The following ALS2 variants were observed in gnomAD, a reference collection of about 807,000 sequenced individuals.
The protein encoded by ALS2 is alsin Rho guanine nucleotide exchange factor ALS2, also known as alsin.
Under a neutral mutation model 203.4 loss-of-function variants are expected in ALS2, and 117 were observed. The observed-to-expected ratio is 0.58, with a 90% CI of 0.50 to 0.67. ALS2 has a LOEUF of 0.67. Among genes scored for constraint, ALS2 ranks in the 30% least tolerant of loss-of-function variants. The pLI is 0.00. For synonymous variants in ALS2, 718 were observed against 725.9 expected, an observed-to-expected ratio of 0.99 and a Z score of 0.17; for missense variants, 1,715 against 1,989.4, an observed-to-expected ratio of 0.86 and a Z score of 2.62.
intron 12 of ALS2, 97 bp downstream of exon 12, chr2:201,738,573 T>C: frequency 8.5e-7 from 1 of 1,179,980 alleles, no homozygotes; most frequent in Admixed American, 1.8e-5. Flanking sequence ...GGTAAAATGA[T>C]GAAGTCAAAG....
Position 201,757,561 on chromosome 2 carries a change from T to C in ALS2, c.1312A>G (p.Ser438Gly), listed in dbSNP as rs1189289962. The C allele has an allele frequency of 3.7e-6, 6 of 1,614,084 alleles. No homozygotes were observed. The highest frequency in any genetic ancestry group is 1.6e-4 in the Middle Eastern group (1 of 6,084). Residue 438 changes from serine (S) to glycine (G), a missense_variant, in exon 5 of 34, where the codon AGT (serine) becomes GGT (glycine). Physicochemically the swap from Ser to Gly is moderately conservative, Grantham distance 56. This residue lies in a region of ALS2 where 476 missense variants were observed against 539.3 expected (regional missense o/e 0.88). Coordinates refer to ENST00000264276, the MANE Select transcript of ALS2 (RefSeq NM_020919.4). Reference protein sequence around the residue: ...TPCETGAQAGSSAIGPEGLKD... With the variant: ...TPCETGAQAGGSAIGPEGLKD... Reference sequence around the variant, plus strand: ...AAACCTTCGGGGCCAATGGCACTACTGCCTGCCTGAGCTCCAGTTTCACAA... The same window carrying C: ...AAACCTTCGGGGCCAATGGCACTACCGCCTGCCTGAGCTCCAGTTTCACAA...
intron 1 of ALS2, among the ~76,000 whole-genome samples, chr2:201,774,280 G>A (rs1694554110): frequency 6.6e-6 from 1 of 152,194 alleles, no homozygotes; most frequent in Non-Finnish European, 1.5e-5. Context: ...ATGCCATCCA[G>A]AATATATGTG....
chr2:201,733,620 G>C (rs1306797884), intron 12 of ALS2, among the ~76,000 whole-genome samples, 182 bp from the exon 13 acceptor site: 2 of 152,162 alleles, frequency 1.3e-5, no homozygotes, highest in Admixed American at 1.3e-4. Context: ...TATAAGACAG[G>C]ATTTTTAGTA....
intron 22 of ALS2, 26 bp downstream of exon 22, chr2:201,723,304 T>G: frequency 6.4e-7 from 1 of 1,561,520 alleles, no homozygotes; most frequent in Non-Finnish European, 8.8e-7. Context: ...AAGTTAGTAA[T>G]AACTACATGC....
At chr2:201,746,799 A>AACTTTGATTGTTCTC in intron 8 of ALS2, 51 bp from the exon 9 acceptor site, 1 of 1,603,276 alleles carries the variant, frequency 6.2e-7, no homozygotes, top group South Asian at 1.1e-5. Context: ...AATCAGAGAG[A>AACTTTGATTGTTCTC]ACTTCGGATC....
Position 201,761,184 on chromosome 2 carries a change from G to C in ALS2, c.810C>G (p.Asn270Lys), listed in dbSNP as rs1291063718. The C allele has an allele frequency of 6.2e-7, 1 of 1,614,080 alleles. No individual in the cohort carries two copies. Among genetic ancestry groups the C allele is most frequent in the Non-Finnish European group, 8.5e-7 (1 of 1,180,050 alleles). ...AGGGGCTGAGAGCAGTGCTGGCATG[G>C]TTTTCTGCCTGAGATTCTGTCAGTG... is the stretch of plus-strand genomic sequence containing the variant. ...GVTLTESQAE[N>K]HASTALSPST... The change falls in exon 4 of 34, where the codon AAC becomes AAG. Residue 270 changes from asparagine (N) to lysine (K), a missense_variant. Transcript: ENST00000264276.
intron 1 of ALS2, among the ~76,000 whole-genome samples, chr2:201,778,817 C>G (rs971209634): frequency 6.6e-6 from 1 of 152,208 alleles, no homozygotes; most frequent in Non-Finnish European, 1.5e-5. Flanking sequence ...CAAATCCTCA[C>G]AGCATGCCTC....
At chr2:201,774,412 A>G (rs1694560911) in intron 1 of ALS2, among the ~76,000 whole-genome samples, 1 of 152,226 alleles carries the variant, frequency 6.6e-6, no homozygotes. Context: ...ATATGATGGT[A>G]CCTGGAAGTG....
chr2:201,706,535 TTATA>T (rs34345642), intron 29 of ALS2, among the ~76,000 whole-genome samples: 18 of 143,686 alleles, frequency 1.3e-4, no homozygotes, highest in Non-Finnish European at 2.0e-4. Flanking sequence ...AGCTCACACT[TTATA>T]TATATATATA....
chr2:201,715,796 T>A lies in ALS2; in HGVS notation c.3880A>T (p.Lys1294Ter). 1 of 1,614,236 alleles carries A rather than the reference T, an allele frequency of 6.2e-7. No homozygotes were observed. The highest frequency in any genetic ancestry group is 8.5e-7 in the Non-Finnish European group (1 of 1,180,044). Reference protein sequence around the residue: ...NLAVPADEKWKAVFDECWRQL... With the variant: ...NLAVPADEKW ...CGCCAACATTCGTCAAACACCGCTT[T>A]CCACTTCTCATCAGCTGGCACTGCC... The change falls in exon 25 of 34, where the codon AAA becomes TAA. Residue 1294 changes from lysine to a stop codon, truncating the protein, a stop_gained. Transcript: ENST00000264276. LOFTEE classifies it high-confidence loss of function.
intron 28 of ALS2, 130 bp downstream of exon 28, chr2:201,707,739 T>G: frequency 3.9e-6 from 5 of 1,290,014 alleles, no homozygotes; most frequent in South Asian, 2.4e-5. Context: ...CCAACCCTCC[T>G]GGCCCCAACC....
At position 201,761,161 on chromosome 2, in the gene ALS2, G is replaced by T. The variant is rs1273864051; in HGVS notation, c.833C>A (p.Pro278His). Reference protein sequence around the residue: ...AENHASTALSPSTETLDRQEE... With the variant: ...AENHASTALSHSTETLDRQEE... The stretch of plus-strand genomic sequence containing the variant: ...CTGCCTGTCAAGGGTTTCAGTGGAG[G>T]GGCTGAGAGCAGTGCTGGCATGGTT... Residue 278 changes from proline (P) to histidine (H), a missense_variant, in exon 4 of 34, where the codon CCC becomes CAC. By Grantham distance (77) the Pro-to-His change is moderately conservative. Around this residue, in one of 3 missense-constraint regions of ALS2, gnomAD observed 476 missense variants for 539.3 expected, o/e 0.88. Coordinates refer to ENST00000264276, the MANE Select transcript of ALS2 (RefSeq NM_020919.4). 1 of 1,614,186 alleles carries T rather than the reference G, an allele frequency of 6.2e-7. No individual in the cohort carries two copies. Among genetic ancestry groups the T allele is most frequent in the East Asian group, 2.2e-5 (1 of 44,874 alleles).
At chr2:201,704,079 C>T (rs1263787766) in intron 33 of ALS2, 43 bp downstream of exon 33, 2 of 1,524,298 alleles carry the variant, frequency 1.3e-6, no homozygotes, top group Non-Finnish European at 9.1e-7. Flanking sequence ...AAATGAAAGA[C>T]AGATATGAAG....
In ALS2 at chr2:201,726,649, C is replaced by A. The variant is rs2106006299; in HGVS notation, c.3182+15G>T. On this transcript the variant is annotated intron_variant, in intron 18 of 33. Transcript: ENST00000264276. ...GATCATCCTCACCCCAGGCATAAATCTTCAACATTTTCACCTGCCATGAGG... is the reference window on the plus strand; with the variant it reads ...GATCATCCTCACCCCAGGCATAAATATTCAACATTTTCACCTGCCATGAGG... The A allele has an allele frequency of 6.2e-7, 1 of 1,613,750 alleles. No homozygotes were observed. The highest frequency in any genetic ancestry group is 2.2e-5 in the East Asian group (1 of 44,864).
chr2:201,724,968 C>T (rs370578904), intron 20 of ALS2, among the ~76,000 whole-genome samples: 3 of 152,048 alleles, frequency 2.0e-5, no homozygotes, highest in African/African-American at 7.2e-5. Flanking sequence ...AAAAAATTAG[C>T]CGGGTGTGGT....
intron 5 of ALS2, among the ~76,000 whole-genome samples, chr2:201,756,315 TAC>T (rs1179832809): frequency 6.6e-6 from 1 of 151,212 alleles, no homozygotes; most frequent in East Asian, 1.9e-4. Flanking sequence ...TATATATATA[TAC>T]ATATATATTC....
chr2:201,707,714 C>A (rs188234521), intron 28 of ALS2, among the ~76,000 whole-genome samples, 155 bp downstream of exon 28: 2 of 152,232 alleles, frequency 1.3e-5, no homozygotes, highest in East Asian at 3.9e-4. Flanking sequence ...CAGGTGTGAG[C>A]CACTGTGGCT....
chr2:201,754,120 C>G (rs888225590), intron 6 of ALS2, among the ~76,000 whole-genome samples: 10 of 151,500 alleles, frequency 6.6e-5, no homozygotes, highest in Admixed American at 6.6e-4. Flanking sequence ...TCAAGCGATT[C>G]TCCTGCCTCA....
intron 4 of ALS2, chr2:201,759,444 AAC>A (rs1189467884): frequency 8.6e-6 from 8 of 929,480 alleles, no homozygotes; most frequent in Admixed American, 6.2e-5. Flanking sequence ...ATGTAATAGA[AAC>A]ACACATTTAA....
Sources: gnomAD v4.1 joint callset for allele counts (sites outside exome capture counted in the v4.1 genomes callset) on GRCh38, gnomAD v4.1.1 for gene constraint, gnomAD v4.1.1 regional missense constraint, MANE v1.5 for transcripts, NCBI Gene and HGNC (gene_info 2026-07-23, HGNC 2026-07-21) for gene names.